The following SPATA13 variants were observed in gnomAD, a reference collection of about 807,000 sequenced individuals.
SPATA13 encodes the protein spermatogenesis associated 13.
Under a neutral mutation model 104.0 loss-of-function variants are expected in SPATA13, and 50 were observed. The observed-to-expected ratio is 0.48, with a 90% CI of 0.38 to 0.61. The LOEUF (loss-of-function observed/expected upper bound fraction) is 0.61, where lower values mean the gene tolerates loss of function less well. Ranked by LOEUF, SPATA13 falls within the 20% of genes least tolerant of loss-of-function variation. SPATA13 has a pLI of 0.00. For missense variants in SPATA13, 1,524 were observed against 1,690.6 expected (o/e 0.90, Z 1.73); for synonymous variants, 606 against 667.5 (o/e 0.91, Z 1.42).
intron 1 of SPATA13, among the ~76,000 whole-genome samples, chr13:24,212,836 A>C (rs971019185): frequency 1.3e-5 from 2 of 152,224 alleles, no homozygotes; most frequent in Non-Finnish European, 2.9e-5. Context: ...TTGCTGAGCC[A>C]CTTGTGTTAT....
intron 3 of SPATA13, among the ~76,000 whole-genome samples, chr13:24,075,982 G>A (rs145281600): frequency 5.6e-4 from 86 of 152,330 alleles, no homozygotes; most frequent in African/African-American, 2.1e-3. Flanking sequence ...AAATCATGCG[G>A]TGGAAACACC....
intron 4 of SPATA13, chr13:24,278,807 C>G (rs756164280): frequency 1.3e-6 from 2 of 1,598,896 alleles, no homozygotes; most frequent in South Asian, 2.3e-5. Context: ...AAATGTGCAT[C>G]GCTATCATTT....
intron 2 of SPATA13, among the ~76,000 whole-genome samples, chr13:24,247,320 C>T (rs139799626): frequency 3.5e-4 from 54 of 152,166 alleles, no homozygotes; most frequent in Admixed American, 9.2e-4. Context: ...AAAGAACTCA[C>T]GAAGCCCATT....
chr13:24,140,477 G>A (rs1408873703), intron 3 of SPATA13, among the ~76,000 whole-genome samples: 1 of 152,192 alleles, frequency 6.6e-6, no homozygotes, highest in African/African-American at 2.4e-5. Context: ...AGTGGAACCT[G>A]GGTTAAGCGA....
At chr13:24,291,396 C>A (rs975059390) in intron 9 of SPATA13, among the ~76,000 whole-genome samples, 2 of 152,176 alleles carry the variant, frequency 1.3e-5, no homozygotes, top group Non-Finnish European at 2.9e-5. Flanking sequence ...TTAGCAACCC[C>A]TTCTCTATTT....
At chr13:24,060,966 G>C (rs1200102829) in intron 3 of SPATA13, among the ~76,000 whole-genome samples, 1 of 152,134 alleles carries the variant, frequency 6.6e-6, no homozygotes, top group Non-Finnish European at 1.5e-5. Context: ...TTGAACCTTG[G>C]AGGCGGAGGT....
intron 1 of SPATA13, among the ~76,000 whole-genome samples, chr13:24,196,009 TG>T (rs1372100118): frequency 1.3e-5 from 2 of 152,232 alleles, no homozygotes; most frequent in African/African-American, 2.4e-5. Context: ...GACCATGGTA[TG>T]GGGAAAACTG....
At chr13:24,199,152 G>A (rs751100511) in intron 1 of SPATA13, among the ~76,000 whole-genome samples, 4 of 152,136 alleles carry the variant, frequency 2.6e-5, no homozygotes, top group South Asian at 2.1e-4. Flanking sequence ...GCCTTCCAAA[G>A]TTCTGGGATT....
At chr13:24,290,906 C>A in intron 9 of SPATA13, 22 bp downstream of exon 9, 1 of 1,593,716 alleles carries the variant, frequency 6.3e-7, no homozygotes, top group Non-Finnish European at 8.6e-7. Context: ...GGGTAAGGGG[C>A]ACAGGTGAGA....
Position 23,992,769 on chromosome 13 carries a change from T to G in SPATA13, c.-147+8836T>G, listed in dbSNP as rs1248061729. On this transcript the variant is annotated intron_variant, in intron 2 of 14. Transcript: ENST00000424834. ...TTCCTGGCAAACTCACATCCATAGT[T>G]GGATGGAACTTGGGGACATGGCCAC... Among the ~76,000 whole-genome samples the G allele has an allele frequency of 2.0e-5, 3 of 152,186 alleles. No individual in the cohort carries two copies. The East Asian group carries it at 5.8e-4, about 29-fold the overall frequency.
In SPATA13 at chr13:24,160,938, A is replaced by G. The variant is rs1192242084; in HGVS notation, c.-112+6A>G. On this transcript the variant is annotated splice_donor_region_variant and intron_variant, in intron 1 of 12. Transcript: ENST00000382108. ...GCCAAGAGGCGCCGCAGGAGGTAAG[A>G]CGGCTTCGGGCGCGCGGCTCTGCCG... 1.0e-6 allele frequency: 1 copy of G among 985,670 alleles called. No homozygotes were observed. Among genetic ancestry groups the G allele is most frequent in the East Asian group, 1.1e-4 (1 of 8,816 alleles). The allele number at this position is 985,670 out of a possible 1,614,324, so 61.1% of individuals were successfully genotyped here. A position where few individuals can be genotyped will look rare whatever the true frequency, so the allele number is the denominator to read the frequency against.
intron 3 of SPATA13, among the ~76,000 whole-genome samples, chr13:24,095,792 C>A (rs1880057945): frequency 6.6e-6 from 1 of 152,120 alleles, no homozygotes; most frequent in Admixed American, 6.5e-5. Context: ...TGTTGCAATC[C>A]CAGCGAAGTG....
intron 1 of SPATA13, among the ~76,000 whole-genome samples, chr13:24,165,079 G>C (rs1882667080): frequency 6.6e-6 from 1 of 152,166 alleles, no homozygotes; most frequent in Admixed American, 6.5e-5. Flanking sequence ...ACAGGTAATG[G>C]CTGTCCTGTG....
intron 2 of SPATA13, among the ~76,000 whole-genome samples, chr13:24,233,667 CATT>C (rs1160314536): frequency 6.6e-6 from 1 of 152,082 alleles, no homozygotes; most frequent in African/African-American, 2.4e-5. Context: ...GGTTTATGCT[CATT>C]ATTACCTAAT....
intron 3 of SPATA13, among the ~76,000 whole-genome samples, chr13:24,090,951 G>A (rs559697327): frequency 2.8e-4 from 42 of 152,308 alleles, no homozygotes; most frequent in African/African-American, 9.4e-4. Context: ...CTGTTTGCCT[G>A]TTTAGTGACT....
At chr13:23,991,259 A>G (rs187578253) in intron 2 of SPATA13, among the ~76,000 whole-genome samples, 1 of 152,174 alleles carries the variant, frequency 6.6e-6, no homozygotes, top group Non-Finnish European at 1.5e-5. Context: ...TTTGTAATAC[A>G]TTCGTGTCCC....
chr13:24,230,933 C>G (rs190291866), intron 2 of SPATA13, among the ~76,000 whole-genome samples: 36 of 152,274 alleles, frequency 2.4e-4, no homozygotes, highest in African/African-American at 8.7e-4. Flanking sequence ...TTGATCAGAC[C>G]AGCTCTGTAG....
Position 24,302,654 on chromosome 13 carries a change from C to T in SPATA13, c.3715C>T (p.Arg1239Cys), listed in dbSNP as rs758752942. The change falls in exon 13 of 13, where the codon CGC becomes TGC. Residue 1239 changes from arginine (R) to cysteine (C), a missense_variant. Around this residue, in one of 2 missense-constraint regions of SPATA13, gnomAD observed 435 missense variants for 554.8 expected, o/e 0.78. Coordinates refer to ENST00000382108, the MANE Select transcript of SPATA13 (RefSeq NM_001166271.3). ...CCAGGGCCTGCACCCCATCCACCAGCGCCACATCACTATGCCCACAAGCGT... is the reference window on the plus strand; with the variant it reads ...CCAGGGCCTGCACCCCATCCACCAGTGCCACATCACTATGCCCACAAGCGT... ...PHQGLHPIHQRHITMPTSVPQ... is the reference protein window; with the variant it reads ...PHQGLHPIHQCHITMPTSVPQ... 5.0e-6 allele frequency: 8 copies of T among 1,614,008 alleles called. No homozygotes were observed. The South Asian group carries it at 6.6e-5, about 13-fold the overall frequency.
intron 2 of SPATA13, among the ~76,000 whole-genome samples, chr13:24,016,127 A>G (rs1171938088): frequency 3.3e-5 from 5 of 152,136 alleles, no homozygotes; most frequent in Admixed American, 3.3e-4. Context: ...GACTCTGCGT[A>G]TGTCTTTCTC....
Sources: allele counts gnomAD v4.1 joint callset (sites outside exome capture counted in the v4.1 genomes callset), GRCh38; gene constraint gnomAD v4.1.1; regional missense constraint gnomAD v4.1.1; transcripts MANE v1.5; gene names NCBI Gene and HGNC (gene_info 2026-07-23, HGNC 2026-07-21).